Variants in FTCDNL1 observed in about 807,000 individuals in gnomAD.
The protein encoded by FTCDNL1 is formiminotransferase cyclodeaminase N-terminal like, also known as formiminotransferase N-terminal subdomain-containing protein.
Under a neutral mutation model 5.9 loss-of-function variants are expected in FTCDNL1, and 11 were observed. The observed-to-expected ratio is 1.87, with a 90% CI of 1.18 to 3.10. FTCDNL1 has a LOEUF of 3.10. FTCDNL1 is among the 30% of genes most tolerant of loss of function. The pLI is 0.00. For missense variants in FTCDNL1, 115 were observed against 65.5 expected (o/e 1.76, Z -2.61); for synonymous variants, 58 against 24.8 (o/e 2.34, Z -3.99).
intron 3 of FTCDNL1, among the ~76,000 whole-genome samples, chr2:199,830,886 T>C (rs923255791): frequency 3.3e-5 from 5 of 152,210 alleles, no homozygotes; most frequent in African/African-American, 1.2e-4. Flanking sequence ...ATCTTTATGA[T>C]GAAAGAGCAG....
the FTCDNL1 span, among the ~76,000 whole-genome samples, chr2:199,753,319 T>C: frequency 1.3e-5 from 2 of 151,942 alleles, no homozygotes; most frequent in Non-Finnish European, 2.9e-5. Flanking sequence ...GCAGCAGGTG[T>C]GAGGCTGGAG....
At chr2:199,781,773 T>TTTTG (rs139790276) in intron 3 of FTCDNL1, among the ~76,000 whole-genome samples, 18 of 150,452 alleles carry the variant, frequency 1.2e-4, no homozygotes, top group African/African-American at 2.9e-4. Context: ...TTTTCTTGTT[T>TTTTG]TTTGTTTGTT....
chr2:199,678,671 T>C, the FTCDNL1 span, among the ~76,000 whole-genome samples: 11 of 152,002 alleles, frequency 7.2e-5, no homozygotes, highest in African/African-American at 1.9e-4. Flanking sequence ...AACCTTAGAA[T>C]TGAGGAAATA....
the FTCDNL1 span, among the ~76,000 whole-genome samples, chr2:199,670,413 C>A: frequency 6.6e-6 from 1 of 152,136 alleles, no homozygotes; most frequent in Non-Finnish European, 1.5e-5. Context: ...TGATTATTTA[C>A]CAAGGCAAAA....
intron 3 of FTCDNL1, among the ~76,000 whole-genome samples, chr2:199,845,655 T>A (rs889468779): frequency 6.6e-6 from 1 of 152,060 alleles, no homozygotes; most frequent in East Asian, 1.9e-4. Context: ...CTATAAGACA[T>A]GTCAACTCAT....
rs754199371 is a variant in FTCDNL1 at position 199,810,381 on chromosome 2, C to T, written c.*2324G>A. Among the ~76,000 whole-genome samples the T allele has an allele frequency of 1.3e-4, 20 of 152,198 alleles. No homozygotes were observed. Among genetic ancestry groups the T allele is most frequent in the African/African-American group, 4.8e-4 (20 of 41,456 alleles). ...GAACTGGGAAAAGCAAAGGGACTCA[C>T]GTGTTTTGTGATGATGTGAGTTTGG... On this transcript the variant is annotated 3_prime_UTR_variant, in exon 5 of 5. Coordinates refer to ENST00000420128, the MANE Select transcript of FTCDNL1 (RefSeq NM_001363886.2).
At chr2:199,817,576 C>T (rs966810933) in intron 4 of FTCDNL1, among the ~76,000 whole-genome samples, 15 of 151,862 alleles carry the variant, frequency 9.9e-5, no homozygotes, top group African/African-American at 3.6e-4. Context: ...GGCCTGAGTC[C>T]AAGAGTTTTG....
At chr2:199,798,883 T>C (rs1700304087) in intron 3 of FTCDNL1, among the ~76,000 whole-genome samples, 1 of 152,228 alleles carries the variant, frequency 6.6e-6, no homozygotes, top group Non-Finnish European at 1.5e-5. Context: ...AAGCCCCACA[T>C]TGTACCAATG....
At chr2:199,821,637 G>T (rs910031399) in intron 3 of FTCDNL1, among the ~76,000 whole-genome samples, 3 of 150,014 alleles carry the variant, frequency 2.0e-5, no homozygotes, top group Non-Finnish European at 4.4e-5. Context: ...GTTAATTTTT[G>T]TATTTTTAGT....
the FTCDNL1 span, among the ~76,000 whole-genome samples, chr2:199,732,050 C>T: frequency 6.6e-6 from 1 of 152,194 alleles, no homozygotes; most frequent in African/African-American, 2.4e-5. Context: ...AATCCTCACA[C>T]CAAATCCAAT....
intron 3 of FTCDNL1, among the ~76,000 whole-genome samples, chr2:199,843,836 C>T (rs1227002380): frequency 1.3e-5 from 2 of 152,074 alleles, no homozygotes; most frequent in East Asian, 1.9e-4. Context: ...AATTCAAAAA[C>T]ACCTCAAGTG....
rs189317707 is a variant in FTCDNL1, at chr2:199,787,931, T to C, written c.212-27096A>G. 7.4e-3 allele frequency among the ~76,000 whole-genome samples: 1,120 copies of C among 152,312 alleles called. 15 individuals are homozygous for C. The highest frequency in any genetic ancestry group is 0.031 in the Middle Eastern group (9 of 294). On this transcript the variant is annotated intron_variant, in intron 3 of 3. Transcript: ENST00000416668. ...ATTTTGTTCTGCATCCCTGTGGTGA[T>C]GGTGTCATTAGCACTAAATGCAAAA...
At position 199,810,302 on chromosome 2, in the gene FTCDNL1, CA is replaced by C. The variant is rs1700965701; in HGVS notation, c.*2402del. On this transcript the variant is annotated 3_prime_UTR_variant, in exon 5 of 5. Transcript: ENST00000420128. Reference sequence around the variant, plus strand: ...GTTAATATCAGATTAAAATGAATCTCAAAACCAGTCTTAATTAGGGAAAGAG... The same window carrying C: ...GTTAATATCAGATTAAAATGAATCTCAAACCAGTCTTAATTAGGGAAAGAG... 6.6e-6 allele frequency among the ~76,000 whole-genome samples: 1 copy of C among 152,160 alleles called. No individual in the cohort carries two copies. Among genetic ancestry groups the C allele is most frequent in the Non-Finnish European group, 1.5e-5 (1 of 68,030 alleles).
the FTCDNL1 span, among the ~76,000 whole-genome samples, chr2:199,750,380 TAAATA>T: frequency 2.0e-5 from 3 of 151,800 alleles, no homozygotes; most frequent in Non-Finnish European, 2.9e-5. Flanking sequence ...AATAAATAAA[TAAATA>T]AATTGCAAAT....
the FTCDNL1 span, among the ~76,000 whole-genome samples, chr2:199,667,198 A>G: frequency 6.6e-6 from 1 of 152,216 alleles, no homozygotes; most frequent in Non-Finnish European, 1.5e-5. Flanking sequence ...TGATACAGTT[A>G]TAAAATAGTG....
At chr2:199,702,977 T>G in the FTCDNL1 span, among the ~76,000 whole-genome samples, 3 of 152,032 alleles carry the variant, frequency 2.0e-5, no homozygotes, top group Non-Finnish European at 4.4e-5. Context: ...GAAGCCAGAT[T>G]ATGTAAGGCC....
rs542183339 is a variant in FTCDNL1 at position 199,817,023 on chromosome 2, C to A, written c.397+2549G>T. 8.5e-5 allele frequency among the ~76,000 whole-genome samples: 13 copies of A among 152,290 alleles called. No individual in the cohort carries two copies. In the South Asian group the frequency reaches 2.7e-3, roughly 32 times the overall value. The stretch of plus-strand genomic sequence containing the variant: ...TCATTAACTAATTTAACTGTAAATT[C>A]TCTCTACATTAGATTGCATTTTCTA... On this transcript the variant is annotated intron_variant, in intron 4 of 4. Transcript: ENST00000420128.
chr2:199,797,695 T>C (rs1267406623), intron 3 of FTCDNL1, among the ~76,000 whole-genome samples: 4 of 152,172 alleles, frequency 2.6e-5, no homozygotes, highest in Non-Finnish European at 4.4e-5. Flanking sequence ...GCATTTCAAG[T>C]GTTTGAGAGA....
intron 3 of FTCDNL1, among the ~76,000 whole-genome samples, chr2:199,837,719 A>G (rs1220644308): frequency 2.0e-5 from 3 of 152,176 alleles, no homozygotes; most frequent in African/African-American, 7.2e-5. Flanking sequence ...TTAATGTTTT[A>G]TATATTTTTT....
Sources: allele counts gnomAD v4.1 joint callset (sites outside exome capture counted in the v4.1 genomes callset), GRCh38; gene constraint gnomAD v4.1.1; transcripts MANE v1.5; gene names NCBI Gene and HGNC (gene_info 2026-07-23, HGNC 2026-07-21).